SLC12A9: variants seen among roughly 807,000 people sequenced by gnomAD.
SLC12A9 encodes CCC-interacting protein 1.
A neutral mutation model predicts 66.0 loss-of-function variants in SLC12A9; 55 were observed. The observed-to-expected ratio is 0.83, with a 90% confidence interval of 0.67 to 1.04. The LOEUF (loss-of-function observed/expected upper bound fraction) is 1.04. SLC12A9 is among the 50% of genes least tolerant of loss of function. SLC12A9 has a pLI of 0.00. For synonymous variants in SLC12A9, 577 were observed against 569.0 expected (o/e 1.01, Z -0.20); for missense variants, 1,061 against 1,241.9 (o/e 0.85, Z 2.19).
chr7:100,833,183 A>G (rs1396967656), intron 1 of SLC12A9, among the ~76,000 whole-genome samples: 3 of 151,580 alleles, frequency 2.0e-5, no homozygotes, highest in Non-Finnish European at 4.4e-5. Flanking sequence ...TGTGAGGCCA[A>G]AAAAAAAGTT....
At position 100,854,622 on chromosome 7, in the gene SLC12A9, T is replaced by C. The variant is rs1431862809; in HGVS notation, c.184T>C (p.Phe62Leu). The change falls in exon 3 of 14, where the codon TTC (phenylalanine) becomes CTC (leucine). Residue 62 changes from phenylalanine (F) to leucine (L), a missense_variant and splice_region_variant. By Grantham distance (22) the Phe-to-Leu change is conservative. Transcript: ENST00000354161. ...FSIVVFLRIG[F>L]VVGHAGLLQA... ...CTGATTTGCTGCTCCTGCCTCAGGGTTCGTGGTGGGTCATGCTGGGCTACT... is the reference window on the plus strand; with the variant it reads ...CTGATTTGCTGCTCCTGCCTCAGGGCTCGTGGTGGGTCATGCTGGGCTACT... The C allele has an allele frequency of 6.2e-7, 1 of 1,613,832 alleles. No homozygotes were observed. The highest frequency in any genetic ancestry group is 1.1e-5 in the South Asian group (1 of 91,076).
At chr7:100,852,496 G>A (rs986880890), upstream of SLC12A9, 2 of 152,248 alleles carry the variant, frequency 1.3e-5, no homozygotes, top group East Asian at 1.9e-4. Context: ...CGGCCCCTGC[G>A]GCGACGATTG....
intron 5 of SLC12A9, 160 bp downstream of exon 5, chr7:100,857,336 T>C (rs903421428): frequency 1.2e-6 from 1 of 835,994 alleles, no homozygotes. Context: ...CTGTCTAGCG[T>C]GTGCTTGGCC....
In SLC12A9 at chr7:100,866,225, C is replaced by T. The variant is rs753279461; in HGVS notation, c.2365C>T (p.Leu789=). The T allele has an allele frequency of 1.2e-6, 2 of 1,607,114 alleles. No homozygotes were observed. Among genetic ancestry groups the T allele is most frequent in the Admixed American group, 1.7e-5 (1 of 59,368 alleles). Residue 789 remains leucine, a synonymous_variant, in exon 14 of 14, where the codon CTG becomes TTG. Transcript: ENST00000354161. This position sits in a 1 kb window ranked among gnomAD's most constrained non-coding sequence, Gnocchi z 7.3. ...GAAEGRLRAL[L]SQLRIRAEVQ... is the part of the protein sequence containing the mutation. The stretch of plus-strand genomic sequence containing the variant: ...GGCCGAGGGGCGGCTGCGGGCACTG[C>T]TGAGCCAACTGAGGATCCGGGCTGA...
In SLC12A9 at chr7:100,845,418, C is replaced by T. The variant is rs539920120; in HGVS notation, n.229-14467C>T. On this transcript the variant is annotated intron_variant and non_coding_transcript_variant, in intron 1 of 1. Coordinates refer to the SLC12A9 transcript ENST00000461016. ...AGGCTGGAGTGCAGTGGAGCAATCT[C>T]GGCTCACTGCAAACTCTACCTCCCG... Among the ~76,000 whole-genome samples, 10 of 151,980 alleles carry T rather than the reference C, an allele frequency of 6.6e-5. No homozygotes were observed. In the East Asian group the frequency reaches 9.7e-4, roughly 15 times the overall value.
intron 1 of SLC12A9, among the ~76,000 whole-genome samples, chr7:100,830,175 A>C (rs1813515666): frequency 1.3e-5 from 2 of 151,942 alleles, no homozygotes. Context: ...AACATAGTGA[A>C]ACCCCTTCTC....
chr7:100,859,062 A>G lies in SLC12A9; in HGVS notation c.878A>G (p.Asp293Gly), dbSNP rs753502250. 1.2e-5 allele frequency: 19 copies of G among 1,613,158 alleles called. No homozygotes were observed. Among genetic ancestry groups the G allele is most frequent in the Non-Finnish European group, 1.4e-5 (16 of 1,179,936 alleles). Residue 293 changes from aspartate (D) to glycine (G), a missense_variant, in exon 7 of 14, where the codon GAC becomes GGC. Physicochemically the swap from Asp to Gly is moderately conservative, Grantham distance 94. Coordinates refer to ENST00000354161, the MANE Select transcript of SLC12A9 (RefSeq NM_020246.4). ...AGANMSGELKDPSRAIPLGTI... is the reference protein window; with the variant it reads ...AGANMSGELKGPSRAIPLGTI... ...TCCCCCTCTCCAGGGGAGCTGAAGG[A>G]CCCCAGCCGGGCGATCCCTCTGGGC...
chr7:100,859,445 G>T (rs756916816), intron 7 of SLC12A9: 36 of 438,838 alleles, frequency 8.2e-5, no homozygotes, highest in Non-Finnish European at 1.3e-4. Flanking sequence ...GCCGGGTGCG[G>T]TGGCTCACAC....
chr7:100,859,165 T>C lies in SLC12A9; in HGVS notation c.977+4T>C. The C allele has an allele frequency of 6.2e-7, 1 of 1,613,236 alleles. No homozygotes were observed. Among genetic ancestry groups the C allele is most frequent in the Non-Finnish European group, 8.5e-7 (1 of 1,179,474 alleles). On this transcript the variant is annotated splice_donor_region_variant and intron_variant, in intron 7 of 13. Transcript: ENST00000354161. The stretch of plus-strand genomic sequence containing the variant: ...TCTCCAGCTTCACTTGTGACAGGTG[T>C]CTGGGGAGGGATGGGGGTGGAGTGT...
At chr7:100,828,799 C>T (rs1461919948) in intron 1 of SLC12A9, among the ~76,000 whole-genome samples, 1 of 152,066 alleles carries the variant, frequency 6.6e-6, no homozygotes, top group East Asian at 1.9e-4. Flanking sequence ...CAACTCCCCT[C>T]ACCCTCCCAT....
chr7:100,861,038 T>A lies in SLC12A9; in HGVS notation c.1219-100T>A, dbSNP rs1201552925. The A allele has an allele frequency of 1.3e-6, 2 of 1,596,874 alleles. No individual in the cohort carries two copies. Among genetic ancestry groups the A allele is most frequent in the Non-Finnish European group, 1.7e-6 (2 of 1,169,596 alleles). ...GTTCACTGGCACTTTCTGGGGCTCA[T>A]TGACACTTTGGGGTACACTGGCATT... is the stretch of plus-strand genomic sequence containing the variant. On this transcript the variant is annotated intron_variant, in intron 9 of 13. Transcript: ENST00000354161. The surrounding 1 kb of genome is among the most constrained non-coding windows in gnomAD (Gnocchi z 5.3).
At chr7:100,864,003 C>T (rs1432436464) in intron 13 of SLC12A9, among the ~76,000 whole-genome samples, 1 of 151,986 alleles carries the variant, frequency 6.6e-6, no homozygotes, top group Non-Finnish European at 1.5e-5. Flanking sequence ...TGTGCAGAGA[C>T]CACAATGCTT....
Position 100,866,552 on chromosome 7 carries a change from G to A in SLC12A9, c.2692G>A (p.Gly898Ser). 6.3e-7 allele frequency: 1 copy of A among 1,587,620 alleles called. No homozygotes were observed. Among genetic ancestry groups the A allele is most frequent in the Non-Finnish European group, 8.6e-7 (1 of 1,168,212 alleles). Residue 898 changes from glycine (G) to serine (S), a missense_variant, in exon 14 of 14, where the codon GGC becomes AGC. Transcript: ENST00000354161. The surrounding 1 kb of genome is among the most constrained non-coding windows in gnomAD (Gnocchi z 7.3). ...ALLETLTRDL[G>S]PTLLVHGVTP... ...ACTGGAGACTCTAACCCGAGACCTGGGCCCCACGCTGCTGGTTCATGGGGT... is the reference window on the plus strand; with the variant it reads ...ACTGGAGACTCTAACCCGAGACCTGAGCCCCACGCTGCTGGTTCATGGGGT...
At chr7:100,848,354 A>G (rs1050367591), upstream of SLC12A9, among the ~76,000 whole-genome samples, 3 of 151,886 alleles carry the variant, frequency 2.0e-5, no homozygotes, top group Non-Finnish European at 4.4e-5. Flanking sequence ...AATATAAAAA[A>G]TTAGCCAGGC....
chr7:100,839,583 C>T (rs1012986688), intron 1 of SLC12A9, among the ~76,000 whole-genome samples: 6 of 152,216 alleles, frequency 3.9e-5, no homozygotes, highest in African/African-American at 1.4e-4. Flanking sequence ...CCGGGCGACG[C>T]GGATCCTGAG....
chr7:100,854,127 C>A, intron 1 of SLC12A9, 29 bp from the exon 2 acceptor site: 1 of 1,414,306 alleles, frequency 7.1e-7, no homozygotes, highest in Non-Finnish European at 9.4e-7. Flanking sequence ...TGTGGGGGAG[C>A]TTTTGATGCA....
intron 1 of SLC12A9, among the ~76,000 whole-genome samples, chr7:100,832,921 G>C (rs963687272): frequency 6.6e-6 from 1 of 151,830 alleles, no homozygotes; most frequent in Non-Finnish European, 1.5e-5. Flanking sequence ...GACTACAGGC[G>C]TGTGCCACCA....
At chr7:100,865,657 G>T in intron 13 of SLC12A9, 62 bp from the exon 14 acceptor site, 1 of 1,562,524 alleles carries the variant, frequency 6.4e-7, no homozygotes, top group Non-Finnish European at 8.7e-7. Flanking sequence ...TGGGAGCGTG[G>T]TGTAAACTTA....
intron 9 of SLC12A9, 98 bp downstream of exon 9, chr7:100,860,330 A>G (rs1015106340): frequency 6.5e-6 from 8 of 1,229,696 alleles, no homozygotes; most frequent in Middle Eastern, 2.0e-4. Context: ...GTAAAGACAA[A>G]TGCGTATGCA....
Sources: allele counts gnomAD v4.1 joint callset (sites outside exome capture counted in the v4.1 genomes callset), GRCh38; gene constraint gnomAD v4.1.1; non-coding constraint Gnocchi (gnomAD v3.1); transcripts MANE v1.5; gene names NCBI Gene and HGNC (gene_info 2026-07-23, HGNC 2026-07-21).